TMEM132D: variants seen among roughly 807,000 people sequenced by gnomAD.
TMEM132D encodes transmembrane protein 132D, also known as mature OL transmembrane protein.
A neutral mutation model predicts 62.3 loss-of-function variants in TMEM132D; 21 were observed. The observed-to-expected ratio is 0.34, with a 90% CI of 0.24 to 0.49. The LOEUF (loss-of-function observed/expected upper bound fraction) is 0.49. TMEM132D is among the 20% of genes least tolerant of loss of function. The probability of loss-of-function intolerance (pLI) is 0.99; values close to 1 mark genes in which losing one functional copy is unlikely to be tolerated. For synonymous variants in TMEM132D, 621 were observed against 575.6 expected, an observed-to-expected ratio of 1.08 and a Z score of -1.13; for missense variants, 1,346 against 1,402.8, an observed-to-expected ratio of 0.96 and a Z score of 0.65.
At chr12:129,397,752 G>A (rs947751637) in intron 3 of TMEM132D, among the ~76,000 whole-genome samples, 1 of 152,030 alleles carries the variant, frequency 6.6e-6, no homozygotes, top group Non-Finnish European at 1.5e-5. Context: ...AGTTTTCCTA[G>A]AATAGAACTG....
intron 5 of TMEM132D, among the ~76,000 whole-genome samples, chr12:129,166,682 T>TATATACCCACACACACACAC (rs1368396060): frequency 8.5e-4 from 51 of 59,886 alleles, no homozygotes; most frequent in African/African-American, 2.5e-3. Flanking sequence ...GACATATATA[T>TATATACCCACACACACACAC]ACACATACAC....
intron 3 of TMEM132D, among the ~76,000 whole-genome samples, chr12:129,433,175 T>C (rs1390110290): frequency 6.6e-6 from 1 of 152,222 alleles, no homozygotes; most frequent in Non-Finnish European, 1.5e-5. Context: ...GACTTTACGT[T>C]GTTTCCAGGT....
chr12:129,636,095 T>C lies in TMEM132D; in HGVS notation c.968+63715A>G, dbSNP rs770983104. Among the ~76,000 whole-genome samples, 87 of 152,324 alleles carry C rather than the reference T, an allele frequency of 5.7e-4. 1 individual carries two copies. Among genetic ancestry groups the C allele is most frequent in the Non-Finnish European group, 3.2e-4 (22 of 68,016 alleles). ...TGTGGAGACCAAGGTTCTTATTATGTAGATGAAGTTTCCTGGGTGGCTATC... is the reference window on the plus strand; with the variant it reads ...TGTGGAGACCAAGGTTCTTATTATGCAGATGAAGTTTCCTGGGTGGCTATC... On this transcript the variant is annotated intron_variant, in intron 2 of 8. Coordinates refer to ENST00000422113, the MANE Select transcript of TMEM132D (RefSeq NM_133448.3).
intron 1 of TMEM132D, among the ~76,000 whole-genome samples, chr12:129,761,665 A>G (rs968619897): frequency 6.6e-6 from 1 of 152,172 alleles, no homozygotes; most frequent in Admixed American, 6.5e-5. Context: ...AATAAAGTAT[A>G]ACATGTAAGT....
intron 2 of TMEM132D, among the ~76,000 whole-genome samples, chr12:129,644,420 T>G (rs1449880170): frequency 6.6e-6 from 1 of 152,170 alleles, no homozygotes; most frequent in African/African-American, 2.4e-5. Flanking sequence ...CATAATTGTT[T>G]GTCCTTGCAG....
intron 3 of TMEM132D, among the ~76,000 whole-genome samples, chr12:129,451,280 C>T (rs1351972076): frequency 5.3e-5 from 8 of 152,174 alleles, no homozygotes; most frequent in African/African-American, 1.9e-4. Flanking sequence ...CCAGAATTTA[C>T]CCAGCTGGCA....
chr12:129,727,855 T>C (rs542833089), intron 1 of TMEM132D, among the ~76,000 whole-genome samples: 86 of 151,936 alleles, frequency 5.7e-4, no homozygotes, highest in African/African-American at 2.0e-3. Flanking sequence ...CTAAGCTTAC[T>C]GAGCAAAAGC....
chr12:129,200,033 T>G (rs918276373), intron 5 of TMEM132D, among the ~76,000 whole-genome samples: 24 of 152,226 alleles, frequency 1.6e-4, no homozygotes, highest in East Asian at 1.5e-3. Flanking sequence ...TGATTAAAAA[T>G]CAATAATAAT....
At chr12:129,613,088 T>C (rs1210315376) in intron 2 of TMEM132D, among the ~76,000 whole-genome samples, 1 of 152,206 alleles carries the variant, frequency 6.6e-6, no homozygotes, top group Non-Finnish European at 1.5e-5. Context: ...ACTAACATTC[T>C]GATATTAAAC....
At chr12:129,132,854 G>A (rs1876419000) in intron 5 of TMEM132D, among the ~76,000 whole-genome samples, 2 of 152,188 alleles carry the variant, frequency 1.3e-5, no homozygotes, top group Admixed American at 1.3e-4. Flanking sequence ...TGGTGGCCAT[G>A]GGGATATGGA....
intron 4 of TMEM132D, among the ~76,000 whole-genome samples, chr12:129,286,431 T>A (rs1881298192): frequency 2.0e-5 from 3 of 152,200 alleles, no homozygotes; most frequent in Non-Finnish European, 4.4e-5. Context: ...CAGGTTCAAA[T>A]GAGTACATTG....
At chr12:129,892,206 G>A (rs1022585109) in intron 1 of TMEM132D, among the ~76,000 whole-genome samples, 10 of 152,142 alleles carry the variant, frequency 6.6e-5, no homozygotes, top group Admixed American at 4.6e-4. Context: ...AGTGCTCTCT[G>A]GATAAAGTAT....
At chr12:129,637,587 C>T (rs1210438114) in intron 2 of TMEM132D, among the ~76,000 whole-genome samples, 1 of 152,206 alleles carries the variant, frequency 6.6e-6, no homozygotes, top group Non-Finnish European at 1.5e-5. Context: ...CCTGCTCCGG[C>T]TTTGCCTTCC....
intron 1 of TMEM132D, among the ~76,000 whole-genome samples, chr12:129,821,771 G>T (rs1872547740): frequency 6.6e-6 from 1 of 152,100 alleles, no homozygotes; most frequent in African/African-American, 2.4e-5. Flanking sequence ...TGTGGGCTGG[G>T]GGAAAAGGGC....
At chr12:129,555,234 A>G (rs1457420337) in intron 2 of TMEM132D, among the ~76,000 whole-genome samples, 1 of 152,222 alleles carries the variant, frequency 6.6e-6, no homozygotes, top group East Asian at 1.9e-4. Flanking sequence ...AGCTTGCTCC[A>G]TAACACCGGT....
intron 3 of TMEM132D, among the ~76,000 whole-genome samples, chr12:129,380,431 C>T (rs972319809): frequency 2.0e-5 from 3 of 152,058 alleles, no homozygotes; most frequent in East Asian, 1.9e-4. Context: ...GAAAAAGACC[C>T]GTTTGCCCTT....
At chr12:129,735,307 G>A (rs1169013681) in intron 1 of TMEM132D, among the ~76,000 whole-genome samples, 1 of 152,056 alleles carries the variant, frequency 6.6e-6, no homozygotes, top group Non-Finnish European at 1.5e-5. Flanking sequence ...ACACCACCTG[G>A]CATTTAAAAG....
intron 3 of TMEM132D, among the ~76,000 whole-genome samples, chr12:129,516,480 T>G (rs112692215): frequency 3.5e-3 from 539 of 152,276 alleles, no homozygotes; most frequent in Non-Finnish European, 5.1e-3. Context: ...ACATCTTACA[T>G]GGTGGCAGAC....
At chr12:129,336,612 C>T (rs1163255634) in intron 4 of TMEM132D, among the ~76,000 whole-genome samples, 2 of 151,906 alleles carry the variant, frequency 1.3e-5, no homozygotes, top group Non-Finnish European at 2.9e-5. Context: ...ATAGCAAGAA[C>T]AGGTGCTGTA....
Sources: gnomAD v4.1 joint callset for allele counts (sites outside exome capture counted in the v4.1 genomes callset) on GRCh38, gnomAD v4.1.1 for gene constraint, MANE v1.5 for transcripts, NCBI Gene and HGNC (gene_info 2026-07-23, HGNC 2026-07-21) for gene names.